The following ENTREP2 variants were observed in gnomAD, a reference collection of about 807,000 sequenced individuals.
ENTREP2 encodes protein ENTREP2.
the ENTREP2 span, among the ~76,000 whole-genome samples, chr15:29,407,861 T>A: frequency 2.0e-5 from 3 of 152,058 alleles, no homozygotes; most frequent in Admixed American, 2.0e-4. Flanking sequence ...GCATTTTTAA[T>A]GGAGATAGCG....
chr15:29,136,123 C>G, the ENTREP2 span, among the ~76,000 whole-genome samples: 1 of 152,348 alleles, frequency 6.6e-6, no homozygotes, highest in African/African-American at 2.4e-5. Flanking sequence ...CTGCAGGTGC[C>G]GCTCTCTGAG....
the ENTREP2 span, chr15:29,136,232 C>T: frequency 1.2e-5 from 11 of 949,212 alleles, no homozygotes; most frequent in South Asian, 2.1e-4. Flanking sequence ...GGCCTCGGCA[C>T]AGGGCGCTCA....
chr15:29,240,412 G>T, the ENTREP2 span, among the ~76,000 whole-genome samples: 3 of 151,940 alleles, frequency 2.0e-5, no homozygotes, highest in African/African-American at 4.8e-5. Context: ...AATCCTCAAT[G>T]CAACAGCGTT....
chr15:29,168,209 T>G, the ENTREP2 span, among the ~76,000 whole-genome samples: 417 of 152,234 alleles, frequency 2.7e-3, 3 homozygotes, highest in African/African-American at 9.7e-3. Context: ...GATAAAAGAC[T>G]ACAAATAGGG....
the ENTREP2 span, among the ~76,000 whole-genome samples, chr15:29,452,056 T>TA: frequency 6.6e-6 from 1 of 152,280 alleles, no homozygotes; most frequent in African/African-American, 2.4e-5. Flanking sequence ...TTTACTCATT[T>TA]AAAATGCATG....
At chr15:29,497,543 T>G in the ENTREP2 span, among the ~76,000 whole-genome samples, 1 of 152,308 alleles carries the variant, frequency 6.6e-6, no homozygotes, top group East Asian at 1.9e-4. Flanking sequence ...TTTCTAGGAA[T>G]TTATCCATTA....
chr15:29,661,705 C>T, the ENTREP2 span, among the ~76,000 whole-genome samples: 1 of 152,096 alleles, frequency 6.6e-6, no homozygotes, highest in Admixed American at 6.5e-5. Context: ...CTATAATACA[C>T]AGAAATCATA....
chr15:29,181,666 T>C, the ENTREP2 span, among the ~76,000 whole-genome samples: 3 of 152,094 alleles, frequency 2.0e-5, no homozygotes, highest in Non-Finnish European at 4.4e-5. Context: ...ATTAACAGAA[T>C]ACAGTTATAT....
chr15:29,568,466 A>T, the ENTREP2 span, among the ~76,000 whole-genome samples: 1 of 152,152 alleles, frequency 6.6e-6, no homozygotes, highest in African/African-American at 2.4e-5. Flanking sequence ...CTGAGGCAGG[A>T]GCATCCCTTG....
chr15:29,560,224 G>A, the ENTREP2 span, among the ~76,000 whole-genome samples: 1 of 152,180 alleles, frequency 6.6e-6, no homozygotes, highest in Non-Finnish European at 1.5e-5. Context: ...GTGAATGGTG[G>A]TTCCACTCCT....
the ENTREP2 span, among the ~76,000 whole-genome samples, chr15:29,435,691 T>G: frequency 6.6e-6 from 1 of 151,908 alleles, no homozygotes; most frequent in African/African-American, 2.4e-5. Flanking sequence ...CACACATATA[T>G]ATGTATATAT....
chr15:29,314,804 C>G, the ENTREP2 span, among the ~76,000 whole-genome samples: 1 of 152,206 alleles, frequency 6.6e-6, no homozygotes, highest in African/African-American at 2.4e-5. Context: ...GTAATCCCAG[C>G]ACTTTGGGAG....
the ENTREP2 span, among the ~76,000 whole-genome samples, chr15:29,561,173 C>T: frequency 4.0e-5 from 6 of 150,142 alleles, no homozygotes; most frequent in Non-Finnish European, 7.4e-5. Flanking sequence ...ACAGCCATTA[C>T]GGAAAACAGC....
the ENTREP2 span, among the ~76,000 whole-genome samples, chr15:29,566,993 T>C: frequency 5.9e-5 from 9 of 151,836 alleles, no homozygotes; most frequent in Non-Finnish European, 1.0e-4. Flanking sequence ...CCAAGAAAAA[T>C]AACAAACTAC....
chr15:29,670,718 G>A, the ENTREP2 span, among the ~76,000 whole-genome samples: 1 of 152,172 alleles, frequency 6.6e-6, no homozygotes, highest in Non-Finnish European at 1.5e-5. Context: ...CAAAGGGCCT[G>A]CAGTGAGGGG....
At chr15:29,393,211 T>A in the ENTREP2 span, among the ~76,000 whole-genome samples, 3 of 152,228 alleles carry the variant, frequency 2.0e-5, no homozygotes, top group African/African-American at 7.2e-5. Context: ...AGTGTTTGAC[T>A]GTGCATGCAT....
At chr15:29,370,580 A>G in the ENTREP2 span, among the ~76,000 whole-genome samples, 12,712 of 152,030 alleles carry the variant, frequency 0.084, 733 homozygotes, top group African/African-American at 0.15. Context: ...AACCGAGATC[A>G]AGTGCACCCT....
chr15:29,240,623 T>C, the ENTREP2 span, among the ~76,000 whole-genome samples: 1 of 152,144 alleles, frequency 6.6e-6, no homozygotes, highest in African/African-American at 2.4e-5. Context: ...AATCTTGGAC[T>C]TCCCAGCCTC....
the ENTREP2 span, among the ~76,000 whole-genome samples, chr15:29,544,577 T>C: frequency 1.3e-5 from 2 of 152,280 alleles, no homozygotes; most frequent in African/African-American, 4.8e-5. Context: ...TAACTAATGC[T>C]AGGCAGGACT....
Sources: allele counts gnomAD v4.1 joint callset (sites outside exome capture counted in the v4.1 genomes callset), GRCh38; gene constraint gnomAD v4.1.1; transcripts MANE v1.5; gene names NCBI Gene and HGNC (gene_info 2026-07-23, HGNC 2026-07-21).